Variants in MYH14 observed in about 807,000 individuals in gnomAD.
MYH14 encodes myosin heavy chain 14.
In MYH14, 123 loss-of-function variants were observed where a neutral mutation model predicts 255.5. The observed-to-expected ratio is 0.48, with a 90% CI of 0.42 to 0.56. MYH14 has a LOEUF of 0.56. Among genes scored for constraint, MYH14 ranks in the 20% least tolerant of loss-of-function variants. The pLI, the probability that MYH14 is intolerant of heterozygous loss-of-function variation, is 0.00. For synonymous variants in MYH14, 1,095 were observed against 1,161.2 expected, an observed-to-expected ratio of 0.94 and a Z score of 1.16; for missense variants, 2,423 against 2,802.3, an observed-to-expected ratio of 0.86 and a Z score of 3.06.
chr19:50,219,329 T>C (rs985666810), intron 3 of MYH14, among the ~76,000 whole-genome samples: 1 of 151,872 alleles, frequency 6.6e-6, no homozygotes, highest in Non-Finnish European at 1.5e-5. Flanking sequence ...TCAAATGATA[T>C]ATCTACTTTT....
chr19:50,291,308 G>C (rs193121963), intron 36 of MYH14, among the ~76,000 whole-genome samples: 1 of 143,358 alleles, frequency 7.0e-6, no homozygotes, highest in African/African-American at 2.5e-5. Context: ...TGTTCAGTTG[G>C]TTTTTTTTTT....
chr19:50,211,511 A>G lies in MYH14; in HGVS notation c.405+741A>G, dbSNP rs534195999. Reference sequence around the variant, plus strand: ...AAAAATGAACATTTATTAAACATTTACCAACCATTCTTCCAAGCTTTCTAA... The same window carrying G: ...AAAAATGAACATTTATTAAACATTTGCCAACCATTCTTCCAAGCTTTCTAA... On this transcript the variant is annotated intron_variant, in intron 2 of 42. Transcript: ENST00000642316. 6.6e-5 allele frequency among the ~76,000 whole-genome samples: 10 copies of G among 152,330 alleles called. No homozygotes were observed. The South Asian group carries it at 2.1e-3, about 32-fold the overall frequency.
rs1346024720 is a variant in MYH14, at chr19:50,278,066, T to C, written c.3826-17T>C. The C allele has an allele frequency of 6.5e-7, 1 of 1,528,472 alleles. No homozygotes were observed. The highest frequency in any genetic ancestry group is 1.3e-5 in the South Asian group (1 of 77,788). 94.7% of individuals were successfully genotyped at this position (1,528,472 alleles called of 1,614,324 possible). On this transcript the variant is annotated splice_polypyrimidine_tract_variant and intron_variant, in intron 29 of 42. Transcript: ENST00000642316. Reference sequence around the variant, plus strand: ...GAAAGGCCTCATAGATCTTTGCTCATCTCCTTCCCACACCAGGGCAAAGGT... The same window carrying C: ...GAAAGGCCTCATAGATCTTTGCTCACCTCCTTCCCACACCAGGGCAAAGGT...
At chr19:50,271,651 T>C (rs1174377262) in intron 25 of MYH14, 105 bp downstream of exon 25, 5 of 1,492,792 alleles carry the variant, frequency 3.3e-6, no homozygotes, top group Non-Finnish European at 4.5e-6. Context: ...GGTTCTCAGG[T>C]GTGCACCGGT....
chr19:50,205,226 T>A (rs2123132310), intron 1 of MYH14, among the ~76,000 whole-genome samples: 1 of 152,322 alleles, frequency 6.6e-6, no homozygotes, highest in Non-Finnish European at 1.5e-5. Context: ...CCAGCGGGGT[T>A]TGAATCCCGG....
At chr19:50,211,630 C>G (rs1033326639) in intron 2 of MYH14, among the ~76,000 whole-genome samples, 23 of 152,092 alleles carry the variant, frequency 1.5e-4, no homozygotes, top group African/African-American at 5.3e-4. Context: ...CAAGGTCACA[C>G]AATTAGACCT....
At chr19:50,279,475 A>C (rs1386579833) in intron 30 of MYH14, among the ~76,000 whole-genome samples, 1 of 152,096 alleles carries the variant, frequency 6.6e-6, no homozygotes, top group Non-Finnish European at 1.5e-5. Flanking sequence ...CTCTACTAAA[A>C]ATACAAAATT....
At position 50,268,373 on chromosome 19, in the gene MYH14, G is replaced by A. The variant is rs1469583836; in HGVS notation, c.3033+6G>A. 4 of 1,559,724 alleles carry A rather than the reference G, an allele frequency of 2.6e-6. No homozygotes were observed. Among genetic ancestry groups the A allele is most frequent in the Admixed American group, 1.9e-5 (1 of 52,226 alleles). On this transcript the variant is annotated splice_donor_region_variant and intron_variant, in intron 24 of 42. Transcript: ENST00000642316. ...GGCTGCAGCAGCACATACAGGTCTG[G>A]CCCCTTGCATGCCCACCAGGCCACC...
intron 27 of MYH14, among the ~76,000 whole-genome samples, chr19:50,274,260 A>G (rs961892775): frequency 1.3e-5 from 2 of 152,078 alleles, no homozygotes; most frequent in African/African-American, 2.4e-5. Flanking sequence ...GCCCATTCAC[A>G]ATGCTGTGTA....
rs1223722981 is a variant in MYH14, at chr19:50,276,688, C to T, written c.3681-69C>T. On this transcript the variant is annotated intron_variant, in intron 28 of 42. Transcript: ENST00000642316. The surrounding 1 kb of genome is among the most constrained non-coding windows in gnomAD (Gnocchi z 4.3). Reference sequence around the variant, plus strand: ...AGGAAACATGAAAAGGAGAAACAACCAGCTCCCCCAAAGCCCCTGCCTTCC... The same window carrying T: ...AGGAAACATGAAAAGGAGAAACAACTAGCTCCCCCAAAGCCCCTGCCTTCC... 17 of 1,600,078 alleles carry T rather than the reference C, an allele frequency of 1.1e-5. No individual in the cohort carries two copies. Among genetic ancestry groups the T allele is most frequent in the Admixed American group, 3.4e-5 (2 of 59,696 alleles).
In MYH14 at chr19:50,257,484, A is replaced by T; in HGVS notation, c.2230A>T (p.Arg744Trp). 2 of 1,598,846 alleles carry T rather than the reference A, an allele frequency of 1.3e-6. No individual in the cohort carries two copies. The highest frequency in any genetic ancestry group is 1.7e-6 in the Non-Finnish European group (2 of 1,172,334). ...CTGCATTGTCCCCAACCACGAGAAGAGGGTGAGTGACTCAGCCTGGGGAGG... is the reference window on the plus strand; with the variant it reads ...CTGCATTGTCCCCAACCACGAGAAGTGGGTGAGTGACTCAGCCTGGGGAGG... ...VRCIVPNHEK[R>W]AGKLEPRLVL... The change falls in exon 18 of 43, where the codon AGG (arginine) becomes TGG (tryptophan). Residue 744 changes from arginine (R) to tryptophan (W), a missense_variant and splice_region_variant. By Grantham distance (101) the Arg-to-Trp change is moderately radical. Transcript: ENST00000642316.
chr19:50,259,201 G>C lies in MYH14; in HGVS notation c.2290G>C (p.Glu764Gln). Reference protein sequence around the residue: ...LDQLRCNGVLEGIRICRQGFP... With the variant: ...LDQLRCNGVLQGIRICRQGFP... ...CCAGCTTCGCTGCAACGGGGTCCTG[G>C]AGGGCATCCGCATCTGTCGCCAGGG... is the stretch of plus-strand genomic sequence containing the variant. Residue 764 changes from glutamate (E) to glutamine (Q), a missense_variant, in exon 19 of 43, where the codon GAG becomes CAG. Coordinates refer to ENST00000642316, the MANE Select transcript of MYH14 (RefSeq NM_001145809.2). 1 of 1,582,290 alleles carries C rather than the reference G, an allele frequency of 6.3e-7. No homozygotes were observed.
intron 24 of MYH14, among the ~76,000 whole-genome samples, chr19:50,270,121 C>T (rs986960871): frequency 6.6e-6 from 1 of 152,168 alleles, no homozygotes; most frequent in Non-Finnish European, 1.5e-5. Flanking sequence ...ACCCACGAGG[C>T]CTGAGGTGGG....
rs1483064181 is a variant in MYH14, at chr19:50,293,261, G to A, written c.5285G>A (p.Arg1762Gln). ...CTGGCCGCCTCGGACCGTGCTCGGC[G>A]GCAGGCCCAGCAGGACCGGGATGAG... ...EELAASDRAR[R>Q]QAQQDRDEMA... Residue 1762 changes from arginine to glutamine, a missense_variant, in exon 38 of 43, where the codon CGG (arginine) becomes CAG (glutamine). By Grantham distance (43) the Arg-to-Gln change is conservative. Transcript: ENST00000642316. This position sits in a 1 kb window ranked among gnomAD's most constrained non-coding sequence, Gnocchi z 4.1. The A allele has an allele frequency of 7.5e-6, 12 of 1,609,356 alleles. No homozygotes were observed. The highest frequency in any genetic ancestry group is 4.0e-5 in the African/African-American group (3 of 74,810).
In MYH14 at chr19:50,309,089, C is replaced by T. The variant is rs750942360; in HGVS notation, c.5872C>T (p.Arg1958Cys). 27 of 1,613,862 alleles carry T rather than the reference C, an allele frequency of 1.7e-5. No homozygotes were observed. In the Admixed American group the frequency reaches 2.2e-4, roughly 13 times the overall value. The change falls in exon 42 of 43, where the codon CGC becomes TGC. Residue 1958 changes from arginine to cysteine, a missense_variant. This residue lies in a region of MYH14 where 1,513 missense variants were observed against 1,674.8 expected (regional missense o/e 0.90). Coordinates refer to ENST00000642316, the MANE Select transcript of MYH14 (RefSeq NM_001145809.2). ...GGAGGCATCCCGGGCTCAGGCCGGC[C>T]GCCGGAGGCTGCAGCGTGAGCTGGA... ...EEEASRAQAG[R>C]RRLQRELEDV...
rs957315520 is a variant in MYH14, at chr19:50,230,356, G to A, written c.875-169G>A. Among the ~76,000 whole-genome samples the A allele has an allele frequency of 1.3e-5, 2 of 152,208 alleles. No individual in the cohort carries two copies. Among genetic ancestry groups the A allele is most frequent in the Non-Finnish European group, 2.9e-5 (2 of 68,036 alleles). ...TGAGGCACAAGTGCTTAAGTGACAT[G>A]AGCACGGCTGCTCTTCCAGTTAGTG... is the stretch of plus-strand genomic sequence containing the variant. On this transcript the variant is annotated intron_variant, in intron 8 of 42. Transcript: ENST00000642316. This position sits in a 1 kb window ranked among gnomAD's most constrained non-coding sequence, Gnocchi z 4.7.
chr19:50,283,926 G>A (rs2035804394), intron 33 of MYH14, among the ~76,000 whole-genome samples: 1 of 151,996 alleles, frequency 6.6e-6, no homozygotes, highest in African/African-American at 2.4e-5. Context: ...TACAAAATTA[G>A]GTAGGCATGG....
chr19:50,267,915 C>T (rs535379061), intron 23 of MYH14, among the ~76,000 whole-genome samples: 1 of 151,896 alleles, frequency 6.6e-6, no homozygotes, highest in African/African-American at 2.4e-5. Flanking sequence ...AGCAGGGGTG[C>T]AGACTGATGG....
At position 50,271,566 on chromosome 19, in the gene MYH14, C is replaced by G; in HGVS notation, c.3171+20C>G. The G allele has an allele frequency of 1.3e-6, 2 of 1,599,182 alleles. No homozygotes were observed. The highest frequency in any genetic ancestry group is 1.7e-6 in the Non-Finnish European group (2 of 1,173,042). ...AGCAAGGTTGGGGGCCTGAGGGCAG[C>G]TGGGAAAGTGGGGATGGGGTGCATT... On this transcript the variant is annotated intron_variant, in intron 25 of 42. Transcript: ENST00000642316.
Sources: gnomAD v4.1 joint callset for allele counts (sites outside exome capture counted in the v4.1 genomes callset) on GRCh38, gnomAD v4.1.1 for gene constraint, gnomAD v4.1.1 regional missense constraint, Gnocchi (gnomAD v3.1) non-coding constraint, MANE v1.5 for transcripts, NCBI Gene and HGNC (gene_info 2026-07-23, HGNC 2026-07-21) for gene names.